Variants in IQCM observed in about 807,000 individuals in gnomAD.
The protein encoded by IQCM is IQ motif containing M, also known as IQ domain-containing protein M.
IQCM carries 45 observed loss-of-function variants against 57.6 expected under a neutral mutation model. The ratio of observed to expected loss-of-function variants is 0.78; its 90% confidence interval spans 0.62 to 1.00. The LOEUF is 1.00. IQCM is among the 50% of genes least tolerant of loss of function. The pLI, the probability that IQCM is intolerant of heterozygous loss-of-function variation, is 0.00. For missense variants in IQCM, 468 were observed against 511.6 expected, an observed-to-expected ratio of 0.91 and a Z score of 0.82; for synonymous variants, 148 against 158.9, an observed-to-expected ratio of 0.93 and a Z score of 0.51.
intron 5 of IQCM, among the ~76,000 whole-genome samples, chr4:149,705,712 A>G (rs955122645): frequency 7.2e-5 from 11 of 151,912 alleles, no homozygotes; most frequent in African/African-American, 2.7e-4. Context: ...AGTAAATATC[A>G]TAGTATTCCT....
intron 12 of IQCM, among the ~76,000 whole-genome samples, chr4:149,538,145 C>T (rs1747488124): frequency 2.0e-5 from 3 of 151,304 alleles, no homozygotes; most frequent in Middle Eastern, 3.5e-3. Context: ...CTCTTAACTC[C>T]TTTCAAAAGT....
intron 12 of IQCM, among the ~76,000 whole-genome samples, chr4:149,542,786 CT>C (rs1209134750): frequency 5.3e-5 from 8 of 151,934 alleles, no homozygotes; most frequent in African/African-American, 1.9e-4. Context: ...TAATAGCAAA[CT>C]TTTATTGTGC....
At chr4:149,559,110 A>G (rs909633843) in intron 10 of IQCM, among the ~76,000 whole-genome samples, 1 of 152,048 alleles carries the variant, frequency 6.6e-6, no homozygotes, top group African/African-American at 2.4e-5. Flanking sequence ...TCCAAATACA[A>G]CCAAACCCAA....
intron 9 of IQCM, among the ~76,000 whole-genome samples, chr4:149,583,031 T>C (rs1752351348): frequency 6.6e-6 from 1 of 151,644 alleles, no homozygotes; most frequent in African/African-American, 2.4e-5. Flanking sequence ...TACTTAGATA[T>C]GTAAGTTGAT....
chr4:149,430,093 T>C lies in IQCM; in HGVS notation c.1390+3303A>G, dbSNP rs1014736292. ...TCTTATTAAACCCAAAACTTTCAAC[T>C]TAAGTTATTCTTTCTCATAATTTTC... On this transcript the variant is annotated intron_variant, in intron 13 of 13. Transcript: ENST00000636793. The C allele has an allele frequency of 3.1e-6, 3 of 955,342 alleles. No individual in the cohort carries two copies. The African/African-American group carries it at 5.1e-5, about 16-fold the overall frequency. 59.2% of individuals were successfully genotyped at this position (955,342 alleles called of 1,614,324 possible).
chr4:149,551,313 T>A (rs1371036814), intron 11 of IQCM, among the ~76,000 whole-genome samples: 1 of 152,166 alleles, frequency 6.6e-6, no homozygotes, highest in Non-Finnish European at 1.5e-5. Context: ...TGAAAAAGCT[T>A]CTCAGCTAGA....
At chr4:149,717,619 GA>G (rs777054486) in intron 5 of IQCM, among the ~76,000 whole-genome samples, 53 of 152,250 alleles carry the variant, frequency 3.5e-4, no homozygotes, top group Admixed American at 9.2e-4. Flanking sequence ...AACTTTGCTT[GA>G]TTTACTAATT....
intron 7 of IQCM, among the ~76,000 whole-genome samples, chr4:149,679,500 T>C (rs1362159121): frequency 6.6e-6 from 1 of 151,472 alleles, no homozygotes; most frequent in Non-Finnish European, 1.5e-5. Context: ...TGTTTCAAAA[T>C]AGCTAGAAGA....
At chr4:149,445,915 G>A (rs575074869) in intron 12 of IQCM, among the ~76,000 whole-genome samples, 4 of 151,768 alleles carry the variant, frequency 2.6e-5, no homozygotes, top group Admixed American at 2.0e-4. Context: ...TGGTTTTAAA[G>A]AAAAATGTTT....
At chr4:149,378,910 G>A (rs900725693) in intron 13 of IQCM, among the ~76,000 whole-genome samples, 3 of 152,066 alleles carry the variant, frequency 2.0e-5, no homozygotes, top group Admixed American at 1.3e-4. Flanking sequence ...TGGTTTCATG[G>A]GCTGGGCCTA....
chr4:149,640,764 T>C (rs1289849948), intron 7 of IQCM, among the ~76,000 whole-genome samples: 2 of 152,154 alleles, frequency 1.3e-5, no homozygotes, highest in Non-Finnish European at 2.9e-5. Context: ...AAAGACAATT[T>C]AATGGAGTCG....
rs1764714195 is a variant in IQCM, at chr4:149,713,247, AC to A, written c.385+19996del. ...GGCCCTGTGATTCATCGATACTACC[AC>A]CTTTTTACCCTCCCTTGCCACCTTC... On this transcript the variant is annotated intron_variant, in intron 5 of 13. Coordinates refer to ENST00000636793, the MANE Select transcript of IQCM (RefSeq NM_001363507.2). Among the ~76,000 whole-genome samples, 3 of 152,130 alleles carry A rather than the reference AC, an allele frequency of 2.0e-5. No homozygotes were observed. The South Asian group carries it at 6.2e-4, about 32-fold the overall frequency.
chr4:149,726,901 C>T (rs941017600), intron 5 of IQCM, among the ~76,000 whole-genome samples: 1 of 151,808 alleles, frequency 6.6e-6, no homozygotes, highest in African/African-American at 2.4e-5. Flanking sequence ...ATTACAGGTG[C>T]CTGCCATCAA....
At chr4:149,628,040 T>C (rs1171898131) in intron 7 of IQCM, among the ~76,000 whole-genome samples, 1 of 152,220 alleles carries the variant, frequency 6.6e-6, no homozygotes, top group East Asian at 1.9e-4. Context: ...ACAGCTTGAC[T>C]TAATTCAGTG....
In IQCM at chr4:149,704,537, T is replaced by A. The variant is rs554836532; in HGVS notation, c.386-18069A>T. 4.9e-4 allele frequency among the ~76,000 whole-genome samples: 74 copies of A among 151,942 alleles called. 1 individual carries two copies. In the South Asian group the frequency reaches 0.015, roughly 31 times the overall value. On this transcript the variant is annotated intron_variant, in intron 5 of 13. Coordinates refer to ENST00000636793, the MANE Select transcript of IQCM (RefSeq NM_001363507.2). ...CTCACCCTTTACAGAAAACGTTTTCTGACCCCTAGATTAGGATTAATTTCA... is the reference window on the plus strand; with the variant it reads ...CTCACCCTTTACAGAAAACGTTTTCAGACCCCTAGATTAGGATTAATTTCA...
chr4:149,576,198 G>T (rs1194125864), intron 9 of IQCM, among the ~76,000 whole-genome samples: 5 of 151,434 alleles, frequency 3.3e-5, no homozygotes, highest in Non-Finnish European at 5.9e-5. Flanking sequence ...TTTTTTATGG[G>T]TATATGGTAT....
At chr4:149,361,995 C>T (rs561686277) in intron 13 of IQCM, among the ~76,000 whole-genome samples, 385 of 152,256 alleles carry the variant, frequency 2.5e-3, no homozygotes, top group Non-Finnish European at 3.7e-3. Flanking sequence ...TGCCCAAGAC[C>T]ATGGGAACCC....
chr4:149,784,425 G>C (rs1561271961), intron 2 of IQCM, among the ~76,000 whole-genome samples: 1 of 152,096 alleles, frequency 6.6e-6, no homozygotes, highest in Non-Finnish European at 1.5e-5. Flanking sequence ...CACCTTCTCT[G>C]AAAAAAGTAA....
In IQCM at chr4:149,505,059, C is replaced by T. The variant is rs114643709; in HGVS notation, c.1228+43396G>A. 1.3e-3 allele frequency among the ~76,000 whole-genome samples: 198 copies of T among 152,198 alleles called. 1 individual carries two copies. The highest frequency in any genetic ancestry group is 4.4e-3 in the African/African-American group (184 of 41,536). ...AAAAAAAATTCTGTTGATCATAAGC[C>T]ACCCTGTCTATAGTGTTCTGTTATA... On this transcript the variant is annotated intron_variant, in intron 12 of 13. Transcript: ENST00000636793.
Sources: gnomAD v4.1 joint callset for allele counts (sites outside exome capture counted in the v4.1 genomes callset) on GRCh38, gnomAD v4.1.1 for gene constraint, MANE v1.5 for transcripts, NCBI Gene and HGNC (gene_info 2026-07-23, HGNC 2026-07-21) for gene names.